The following KLF12 variants were observed in gnomAD, a reference collection of about 807,000 sequenced individuals.
KLF12 encodes Krueppel-like factor 12.
KLF12 carries 9 observed loss-of-function variants against 37.8 expected under a neutral mutation model. That is an observed-to-expected ratio of 0.24 (90% confidence interval 0.14 to 0.42). The LOEUF (loss-of-function observed/expected upper bound fraction) is 0.42. Ranked by LOEUF, KLF12 falls within the 10% of genes least tolerant of loss-of-function variation. The pLI, the probability that KLF12 is intolerant of heterozygous loss-of-function variation, is 1.00. For missense variants in KLF12, 411 were observed against 516.0 expected, an observed-to-expected ratio of 0.80 and a Z score of 1.97; for synonymous variants, 208 against 202.1, an observed-to-expected ratio of 1.03 and a Z score of -0.25.
At chr13:74,254,448 T>C in the KLF12 span, among the ~76,000 whole-genome samples, 1 of 152,240 alleles carries the variant, frequency 6.6e-6, no homozygotes, top group Non-Finnish European at 1.5e-5. Flanking sequence ...GTTATTTCTT[T>C]TAATTCTGAG....
chr13:74,051,662 C>T (rs1197005386), intron 1 of KLF12, among the ~76,000 whole-genome samples: 2 of 151,596 alleles, frequency 1.3e-5, no homozygotes, highest in Non-Finnish European at 2.9e-5. Flanking sequence ...TCACACCCCG[C>T]CCCTAAAAAA....
the KLF12 span, among the ~76,000 whole-genome samples, chr13:74,214,744 G>A: frequency 2.0e-5 from 3 of 152,030 alleles, no homozygotes; most frequent in East Asian, 1.9e-4. Flanking sequence ...CATTAAAATA[G>A]GCAATGTTTT....
intron 5 of KLF12, chr13:73,812,931 A>G (rs1883019672): frequency 8.3e-6 from 4 of 481,994 alleles, no homozygotes. Flanking sequence ...AAAGATGCAC[A>G]TAGGTCTTAT....
At chr13:74,054,339 A>T (rs932573074) in intron 1 of KLF12, among the ~76,000 whole-genome samples, 24 of 152,178 alleles carry the variant, frequency 1.6e-4, no homozygotes, top group African/African-American at 5.3e-4. Flanking sequence ...ATGATACAGA[A>T]TATAAAAAAG....
chr13:73,713,847 T>C (rs971688388), intron 7 of KLF12, among the ~76,000 whole-genome samples: 1 of 152,168 alleles, frequency 6.6e-6, no homozygotes, highest in Admixed American at 6.5e-5. Context: ...TAATATGTAT[T>C]CCAGAAAACT....
chr13:73,948,408 G>A lies in KLF12; in HGVS notation c.34-4338C>T, dbSNP rs563267978. On this transcript the variant is annotated intron_variant, in intron 2 of 7. Coordinates refer to ENST00000377669, the MANE Select transcript of KLF12 (RefSeq NM_007249.5). ...AATTTTTTCTATTTTTTGTAGAGAC[G>A]GGGTTTCACCTTGTTGGCTAGCCTG... 3.8e-3 allele frequency among the ~76,000 whole-genome samples: 582 copies of A among 152,146 alleles called. 3 individuals carry two copies. Among genetic ancestry groups the A allele is most frequent in the African/African-American group, 0.012 (510 of 41,522 alleles).
At chr13:74,053,811 G>C (rs1873080157) in intron 1 of KLF12, among the ~76,000 whole-genome samples, 2 of 152,154 alleles carry the variant, frequency 1.3e-5, no homozygotes, top group Non-Finnish European at 2.9e-5. Context: ...TTAAGAGGGA[G>C]AATGAGGTGG....
the KLF12 span, among the ~76,000 whole-genome samples, chr13:74,266,676 G>A: frequency 2.0e-5 from 3 of 152,162 alleles, no homozygotes; most frequent in African/African-American, 4.8e-5. Context: ...TAGATACGTA[G>A]ATAGATAGAT....
At chr13:73,861,127 A>C (rs565366899) in intron 3 of KLF12, among the ~76,000 whole-genome samples, 1 of 152,210 alleles carries the variant, frequency 6.6e-6, no homozygotes, top group Non-Finnish European at 1.5e-5. Context: ...CTTCATGTCT[A>C]TCAAGTTTTT....
chr13:73,710,689 C>A (rs377494243), intron 7 of KLF12, among the ~76,000 whole-genome samples: 1 of 152,184 alleles, frequency 6.6e-6, no homozygotes, highest in Non-Finnish European at 1.5e-5. Flanking sequence ...GCATCACTGA[C>A]CAGCTGCTAC....
intron 2 of KLF12, among the ~76,000 whole-genome samples, chr13:73,946,767 T>TA (rs1334904464): frequency 5.9e-5 from 9 of 152,230 alleles, no homozygotes; most frequent in African/African-American, 1.9e-4. Context: ...AATCTGTATA[T>TA]ATGCCTGTTG....
chr13:73,738,358 A>G (rs2137868614), intron 6 of KLF12, among the ~76,000 whole-genome samples: 1 of 149,850 alleles, frequency 6.7e-6, no homozygotes, highest in South Asian at 2.1e-4. Flanking sequence ...CATAAAGTTG[A>G]TCAGGCTGGT....
the KLF12 span, among the ~76,000 whole-genome samples, chr13:74,245,496 A>G: frequency 2.6e-5 from 4 of 152,318 alleles, no homozygotes; most frequent in East Asian, 5.8e-4. Flanking sequence ...GTAGGAGGAA[A>G]ATAAAGACCT....
At chr13:74,033,046 A>T (rs1893153922) in intron 1 of KLF12, among the ~76,000 whole-genome samples, 2 of 152,192 alleles carry the variant, frequency 1.3e-5, no homozygotes, top group South Asian at 4.1e-4. Context: ...TAAATATGCT[A>T]TTTCTTTTTC....
the KLF12 span, among the ~76,000 whole-genome samples, chr13:74,295,188 G>A: frequency 6.6e-6 from 1 of 152,230 alleles, no homozygotes; most frequent in East Asian, 1.9e-4. Flanking sequence ...AGTGTATGAT[G>A]GCCATAGCAG....
At chr13:74,198,943 C>T in the KLF12 span, among the ~76,000 whole-genome samples, 55 of 152,266 alleles carry the variant, frequency 3.6e-4, no homozygotes, top group African/African-American at 1.2e-3. Flanking sequence ...AGAGTGATCC[C>T]GCTGCTAAAG....
chr13:73,887,219 C>G (rs2138994519), intron 3 of KLF12, among the ~76,000 whole-genome samples: 1 of 152,156 alleles, frequency 6.6e-6, no homozygotes, highest in Non-Finnish European at 1.5e-5. Flanking sequence ...TGTCTAAAGT[C>G]ATTCATAATA....
At chr13:74,260,561 A>C in the KLF12 span, among the ~76,000 whole-genome samples, 1 of 91,652 alleles carries the variant, frequency 1.1e-5, no homozygotes, top group African/African-American at 8.4e-5. Flanking sequence ...TTCTAAAATA[A>C]AATAAAATAA....
At position 73,846,056 on chromosome 13, in the gene KLF12, G is replaced by A; in HGVS notation, c.441C>T (p.Pro147=). The change falls in exon 4 of 8, where the codon CCC becomes CCT. Residue 147 remains proline (P), a synonymous_variant. Transcript: ENST00000377669. ...CAACACCAGATGCAGAGGCCACAAGGGGCCCTGGAGTTAATACTGTTGACG... is the reference window on the plus strand; with the variant it reads ...CAACACCAGATGCAGAGGCCACAAGAGGCCCTGGAGTTAATACTGTTGACG... 1.2e-6 allele frequency: 2 copies of A among 1,614,026 alleles called. No homozygotes were observed. Among genetic ancestry groups the A allele is most frequent in the Non-Finnish European group, 1.7e-6 (2 of 1,179,966 alleles).
Sources: gnomAD v4.1 joint callset for allele counts (sites outside exome capture counted in the v4.1 genomes callset) on GRCh38, gnomAD v4.1.1 for gene constraint, MANE v1.5 for transcripts, NCBI Gene and HGNC (gene_info 2026-07-23, HGNC 2026-07-21) for gene names.